Variants in JAK2 observed in about 807,000 individuals in gnomAD.
JAK2 encodes tyrosine-protein kinase JAK2.
JAK2 carries 86 observed loss-of-function variants against 139.3 expected under a neutral mutation model. The observed-to-expected ratio is 0.62, with a 90% CI of 0.52 to 0.74. The LOEUF (loss-of-function observed/expected upper bound fraction) is 0.74. Among genes scored for constraint, JAK2 ranks in the 30% least tolerant of loss-of-function variants. The pLI is 0.00. For synonymous variants in JAK2, 490 were observed against 437.7 expected, an observed-to-expected ratio of 1.12 and a Z score of -1.49; for missense variants, 1,421 against 1,360.3, an observed-to-expected ratio of 1.04 and a Z score of -0.70.
At chr9:4,994,158 T>A (rs1820425638) in intron 2 of JAK2, among the ~76,000 whole-genome samples, 1 of 152,234 alleles carries the variant, frequency 6.6e-6, no homozygotes, top group African/African-American at 2.4e-5. Context: ...GTGTTTGGAA[T>A]CTTTACTTAG....
At chr9:5,099,732 T>G (rs1821316756) in intron 22 of JAK2, 1 of 152,136 alleles carries the variant, frequency 6.6e-6, no homozygotes, top group Non-Finnish European at 1.5e-5. Context: ...AGATAATAAT[T>G]ACCCATAACA....
intron 8 of JAK2, among the ~76,000 whole-genome samples, chr9:5,060,145 C>A (rs1376201486): frequency 6.6e-6 from 1 of 152,192 alleles, no homozygotes; most frequent in African/African-American, 2.4e-5. Flanking sequence ...ATTTAAAACA[C>A]TTTATTGCTA....
intron 4 of JAK2, among the ~76,000 whole-genome samples, chr9:5,035,464 C>A (rs1380740625): frequency 1.3e-5 from 2 of 152,178 alleles, no homozygotes; most frequent in African/African-American, 4.8e-5. Context: ...CCTTGATGAA[C>A]ATTGATGCAA....
At chr9:5,059,527 T>C (rs573173085) in intron 8 of JAK2, among the ~76,000 whole-genome samples, 1 of 152,294 alleles carries the variant, frequency 6.6e-6, no homozygotes, top group Non-Finnish European at 1.5e-5. Flanking sequence ...TGAACATTCT[T>C]ATACATATTT....
rs537259276 is a variant in JAK2, at chr9:5,041,086, A to T, written c.351-3317A>T. ...GTCCCTCAGGTCTACTACCTACTAC[A>T]GCCTGGAGGACCTGTTCGACCTTCA... On this transcript the variant is annotated intron_variant, in intron 4 of 24. Coordinates refer to ENST00000381652, the MANE Select transcript of JAK2 (RefSeq NM_004972.4). 515 of 706,534 alleles carry T rather than the reference A, an allele frequency of 7.3e-4. 8 individuals carry two copies. In the South Asian group the frequency reaches 7.5e-3, roughly 10 times the overall value. The allele number at this position is 706,534 out of a possible 1,614,324, so 43.8% of individuals were successfully genotyped here. A position where few individuals can be genotyped will look rare whatever the true frequency, so the allele number is the denominator to read the frequency against.
intron 2 of JAK2, among the ~76,000 whole-genome samples, chr9:4,997,245 C>T (rs1019921415): frequency 4.6e-5 from 7 of 151,968 alleles, no homozygotes; most frequent in Non-Finnish European, 2.9e-5. Flanking sequence ...TTAGTCTGTT[C>T]TTGCATTGCT....
At chr9:5,085,284 T>A in intron 19 of JAK2, 5 of 707,672 alleles carry the variant, frequency 7.1e-6, no homozygotes, top group South Asian at 5.4e-5. Context: ...TTGGTTTGCC[T>A]ATGTTAGAAC....
At chr9:5,118,229 A>G (rs1354273222) in intron 22 of JAK2, among the ~76,000 whole-genome samples, 2 of 152,212 alleles carry the variant, frequency 1.3e-5, no homozygotes, top group Admixed American at 6.5e-5. Flanking sequence ...TTATATGAAT[A>G]GACTTTTATT....
intron 22 of JAK2, among the ~76,000 whole-genome samples, chr9:5,117,531 T>C (rs941175835): frequency 3.9e-5 from 6 of 152,240 alleles, no homozygotes; most frequent in Admixed American, 2.6e-4. Flanking sequence ...CAATAAGATA[T>C]GTTTTCTATT....
At chr9:5,057,912 C>G (rs892123947) in intron 8 of JAK2, among the ~76,000 whole-genome samples, 8 of 152,068 alleles carry the variant, frequency 5.3e-5, no homozygotes, top group Non-Finnish European at 1.2e-4. Flanking sequence ...AATTTGACTA[C>G]TCTAGATACC....
intron 2 of JAK2, among the ~76,000 whole-genome samples, chr9:4,989,167 G>C (rs543575681): frequency 6.6e-6 from 1 of 152,020 alleles, no homozygotes; most frequent in Non-Finnish European, 1.5e-5. Flanking sequence ...ATCAATCCCT[G>C]CCCTATTTAT....
At position 5,054,692 on chromosome 9, in the gene JAK2, A is replaced by C; in HGVS notation, c.744A>C (p.Arg248Ser). 6.2e-7 allele frequency: 1 copy of C among 1,613,492 alleles called. No individual in the cohort carries two copies. Among genetic ancestry groups the C allele is most frequent in the Non-Finnish European group, 8.5e-7 (1 of 1,179,506 alleles). The change falls in exon 7 of 25, where the codon AGA becomes AGC. Residue 248 changes from arginine to serine, a missense_variant. Transcript: ENST00000381652. The surrounding 1 kb of genome is among the most constrained non-coding windows in gnomAD (Gnocchi z 4.9). ...TCAGCCAATGCAAAGCCACTGCCAG[A>C]AACTTGAAACTTAAGTATCTTATAA... ...QQFSQCKATA[R>S]NLKLKYLINL... is the part of the protein sequence containing the mutation.
chr9:5,079,399 C>T (rs1027021342), intron 16 of JAK2, among the ~76,000 whole-genome samples: 7 of 152,076 alleles, frequency 4.6e-5, no homozygotes, highest in African/African-American at 1.2e-4. Context: ...TGAGAAATTC[C>T]GTGATTTGAG....
intron 22 of JAK2, chr9:5,095,153 C>T (rs892618718): frequency 6.6e-6 from 1 of 152,174 alleles, no homozygotes; most frequent in African/African-American, 2.4e-5. Flanking sequence ...TAAACCATAT[C>T]CTAAAGTAAG....
Position 5,055,684 on chromosome 9 carries a change from T to G in JAK2, c.952T>G (p.Cys318Gly). The G allele has an allele frequency of 6.3e-7, 1 of 1,576,844 alleles. No individual in the cohort carries two copies. The highest frequency in any genetic ancestry group is 2.2e-5 in the East Asian group (1 of 44,492). Residue 318 changes from cysteine to glycine, a missense_variant, in exon 8 of 25, where the codon TGC (cysteine) becomes GGC (glycine). By Grantham distance (159) the Cys-to-Gly change is radical. Coordinates refer to ENST00000381652, the MANE Select transcript of JAK2 (RefSeq NM_004972.4). ...TLTEQDLQLY[C>G]DFPNIIDVSI... ...TTAATTATAGGATTTACAGTTATAT[T>G]GCGATTTTCCTAATATTATTGATGT...
chr9:5,107,775 T>A (rs1025988460), intron 22 of JAK2, among the ~76,000 whole-genome samples: 2 of 152,148 alleles, frequency 1.3e-5, no homozygotes, highest in African/African-American at 2.4e-5. Flanking sequence ...ATTACCCTTA[T>A]AACTTTAAAT....
intron 22 of JAK2, among the ~76,000 whole-genome samples, chr9:5,102,991 G>C (rs559612088): frequency 6.6e-6 from 1 of 151,684 alleles, no homozygotes; most frequent in Admixed American, 6.6e-5. Flanking sequence ...ATCAACTAAC[G>C]GGCAAAATAA....
At chr9:5,106,590 C>G (rs1266596806) in intron 22 of JAK2, among the ~76,000 whole-genome samples, 5 of 152,186 alleles carry the variant, frequency 3.3e-5, no homozygotes, top group African/African-American at 4.8e-5. Context: ...GCTATAAAGA[C>G]ACATGCCCAT....
At chr9:5,120,187 C>CA (rs1241843557) in intron 22 of JAK2, among the ~76,000 whole-genome samples, 1 of 152,210 alleles carries the variant, frequency 6.6e-6, no homozygotes, top group African/African-American at 2.4e-5. Flanking sequence ...ACCATGTCCT[C>CA]ACATGGACAA....
Sources: allele counts gnomAD v4.1 joint callset (sites outside exome capture counted in the v4.1 genomes callset), GRCh38; gene constraint gnomAD v4.1.1; non-coding constraint Gnocchi (gnomAD v3.1); transcripts MANE v1.5; gene names NCBI Gene and HGNC (gene_info 2026-07-23, HGNC 2026-07-21).